The following HACE1 variants were observed in gnomAD, a reference collection of about 807,000 sequenced individuals.
HACE1 encodes E3 ubiquitin-protein ligase HACE1.
A neutral mutation model predicts 118.4 loss-of-function variants in HACE1; 73 were observed. The observed-to-expected ratio is 0.62, with a 90% CI of 0.51 to 0.75. The LOEUF (loss-of-function observed/expected upper bound fraction) is 0.75. Among genes scored for constraint, HACE1 ranks in the 30% least tolerant of loss-of-function variants. The probability of loss-of-function intolerance (pLI) is 0.00; values close to 1 mark genes in which losing one functional copy is unlikely to be tolerated. For missense variants in HACE1, 749 were observed against 1,102.2 expected (o/e 0.68, Z 4.54); for synonymous variants, 368 against 374.8 (o/e 0.98, Z 0.21).
intron 4 of HACE1, among the ~76,000 whole-genome samples, chr6:104,845,049 G>A (rs1041272645): frequency 6.6e-6 from 1 of 152,040 alleles, no homozygotes; most frequent in Non-Finnish European, 1.5e-5. Context: ...GTGTGTATAT[G>A]TTAAATACAT....
chr6:104,782,673 T>C (rs1407262840), intron 14 of HACE1, among the ~76,000 whole-genome samples: 2 of 152,166 alleles, frequency 1.3e-5, no homozygotes, highest in South Asian at 2.1e-4. Flanking sequence ...AGCAAATACA[T>C]AGTACCTGAC....
intron 4 of HACE1, among the ~76,000 whole-genome samples, chr6:104,846,074 G>A (rs1240340363): frequency 1.3e-5 from 2 of 152,180 alleles, no homozygotes; most frequent in African/African-American, 4.8e-5. Context: ...GGTAGGGGTT[G>A]TTGAAGAAAA....
rs940453200 is a variant in HACE1, at chr6:104,859,865, G to A, written c.-223C>T. The A allele has an allele frequency of 4.0e-6, 2 of 498,180 alleles. No individual in the cohort carries two copies. The highest frequency in any genetic ancestry group is 5.3e-5 in the South Asian group (2 of 37,942). 30.9% of individuals were successfully genotyped at this position (498,180 alleles called of 1,614,324 possible). The stretch of plus-strand genomic sequence containing the variant: ...AGTACACCCGCCGCCGCCTCTGCTC[G>A]CGCCTTTCCTGCAGCCCCCGCCGCC... On this transcript the variant is annotated 5_prime_UTR_variant, in exon 1 of 24. Transcript: ENST00000262903.
At chr6:104,816,706 C>A (rs1015813722) in intron 6 of HACE1, among the ~76,000 whole-genome samples, 1 of 152,146 alleles carries the variant, frequency 6.6e-6, no homozygotes, top group Admixed American at 6.5e-5. Flanking sequence ...CACCACCCCC[C>A]AGACCCAACA....
intron 13 of HACE1, 81 bp downstream of exon 13, chr6:104,784,336 T>C (rs963680986): frequency 3.4e-5 from 33 of 977,462 alleles, no homozygotes; most frequent in African/African-American, 2.4e-4. Context: ...GTACGAGAAA[T>C]AGTATTTTTT....
At chr6:104,737,510 A>G (rs1253340621) in intron 22 of HACE1, among the ~76,000 whole-genome samples, 3 of 152,132 alleles carry the variant, frequency 2.0e-5, no homozygotes, top group Admixed American at 1.3e-4. Flanking sequence ...GCATTGCCTC[A>G]CTTGGGAAGC....
intron 5 of HACE1, among the ~76,000 whole-genome samples, chr6:104,842,960 A>G (rs902080827): frequency 6.6e-6 from 1 of 152,136 alleles, no homozygotes; most frequent in African/African-American, 2.4e-5. Context: ...AAAAACATAA[A>G]AATTATCTGG....
chr6:104,764,579 C>T (rs1345652432), intron 19 of HACE1, among the ~76,000 whole-genome samples: 1 of 151,724 alleles, frequency 6.6e-6, no homozygotes, highest in Non-Finnish European at 1.5e-5. Context: ...GTTGTGAATG[C>T]CATATTTTCA....
chr6:104,822,263 G>C (rs969080039), intron 6 of HACE1, among the ~76,000 whole-genome samples: 3 of 149,534 alleles, frequency 2.0e-5, no homozygotes, highest in African/African-American at 7.4e-5. Context: ...GGAGCCTCTA[G>C]TCCCAGCTAC....
chr6:104,768,872 T>G (rs1434547573), intron 19 of HACE1, among the ~76,000 whole-genome samples: 7 of 152,126 alleles, frequency 4.6e-5, no homozygotes, highest in Non-Finnish European at 1.0e-4. Context: ...ATATTCTTAC[T>G]TATTCTTATT....
chr6:104,751,678 G>C (rs1363667537), intron 19 of HACE1, among the ~76,000 whole-genome samples: 1 of 151,846 alleles, frequency 6.6e-6, no homozygotes, highest in Non-Finnish European at 1.5e-5. Context: ...AATGTATTTT[G>C]GCTTAGAACA....
At chr6:104,849,651 AT>A (rs10640271) in intron 3 of HACE1, among the ~76,000 whole-genome samples, 14 of 145,964 alleles carry the variant, frequency 9.6e-5, no homozygotes, top group Non-Finnish European at 4.5e-5. Flanking sequence ...CCTTAAACAC[AT>A]TTTTTTTTTT....
intron 20 of HACE1, 25 bp downstream of exon 20, chr6:104,750,316 C>T (rs199882159): frequency 1.3e-6 from 2 of 1,599,236 alleles, no homozygotes; most frequent in East Asian, 4.5e-5. Flanking sequence ...TGTGTTACAA[C>T]ATAAGAACTG....
chr6:104,820,929 G>A (rs1226229467), intron 6 of HACE1, among the ~76,000 whole-genome samples: 1 of 152,134 alleles, frequency 6.6e-6, no homozygotes, highest in Non-Finnish European at 1.5e-5. Context: ...CAAAGACATG[G>A]AATCAACCTA....
intron 20 of HACE1, among the ~76,000 whole-genome samples, chr6:104,749,178 C>T (rs887539442): frequency 6.6e-6 from 1 of 152,018 alleles, no homozygotes; most frequent in African/African-American, 2.4e-5. Flanking sequence ...TTTCAAAAGG[C>T]TAATTTAATC....
At chr6:104,746,964 C>G (rs1181217122) in intron 20 of HACE1, among the ~76,000 whole-genome samples, 1 of 151,524 alleles carries the variant, frequency 6.6e-6, no homozygotes, top group Admixed American at 6.6e-5. Context: ...ATTTGAAGCA[C>G]TTCATGAATA....
chr6:104,838,009 G>T (rs914376988), intron 5 of HACE1, among the ~76,000 whole-genome samples: 3 of 152,022 alleles, frequency 2.0e-5, no homozygotes, highest in African/African-American at 4.8e-5. Context: ...AACCAAAGAA[G>T]TGAAAGATGT....
chr6:104,810,897 C>T (rs1054042231), intron 7 of HACE1, among the ~76,000 whole-genome samples: 1 of 151,938 alleles, frequency 6.6e-6, no homozygotes, highest in Non-Finnish European at 1.5e-5. Context: ...AACAGCTTAT[C>T]CCACTGGAAA....
At chr6:104,836,243 G>C (rs577249140) in intron 5 of HACE1, among the ~76,000 whole-genome samples, 1 of 152,296 alleles carries the variant, frequency 6.6e-6, no homozygotes, top group South Asian at 2.1e-4. Context: ...GTCTCCGTAA[G>C]AGACTCCTTC....
Sources: gnomAD v4.1 joint callset for allele counts (sites outside exome capture counted in the v4.1 genomes callset) on GRCh38, gnomAD v4.1.1 for gene constraint, MANE v1.5 for transcripts, NCBI Gene and HGNC (gene_info 2026-07-23, HGNC 2026-07-21) for gene names.